The following LRFN2 variants were observed in gnomAD, a reference collection of about 807,000 sequenced individuals.
LRFN2 encodes leucine rich repeat and fibronectin type III domain containing 2, also known as leucine-rich repeat and fibronectin type-III domain-containing protein 2.
Under a neutral mutation model 37.3 loss-of-function variants are expected in LRFN2, and 18 were observed. The ratio of observed to expected loss-of-function variants is 0.48; its 90% CI spans 0.33 to 0.72. The LOEUF is 0.72. Among genes scored for constraint, LRFN2 ranks in the 30% least tolerant of loss-of-function variants. LRFN2 has a pLI of 0.02. For missense variants in LRFN2, 1,006 were observed against 1,060.7 expected, an observed-to-expected ratio of 0.95 and a Z score of 0.72; for synonymous variants, 556 against 466.6, an observed-to-expected ratio of 1.19 and a Z score of -2.47.
chr6:40,448,064 C>G (rs1214098628), intron 1 of LRFN2, among the ~76,000 whole-genome samples: 1 of 152,164 alleles, frequency 6.6e-6, no homozygotes, highest in African/African-American at 2.4e-5. Context: ...CACGAGTGCT[C>G]CTAGTGTTAG....
chr6:40,545,140 T>C (rs2113918617), intron 1 of LRFN2, among the ~76,000 whole-genome samples: 1 of 152,352 alleles, frequency 6.6e-6, no homozygotes, highest in African/African-American at 2.4e-5. Flanking sequence ...TGCAAAGTGC[T>C]CAGCATAAGT....
At chr6:40,415,321 G>A (rs912675917) in intron 2 of LRFN2, among the ~76,000 whole-genome samples, 1 of 152,094 alleles carries the variant, frequency 6.6e-6, no homozygotes, top group East Asian at 1.9e-4. Context: ...CACCTCCTGG[G>A]TTCATGTGAC....
At chr6:40,559,865 C>T (rs550442149) in intron 1 of LRFN2, among the ~76,000 whole-genome samples, 3 of 152,304 alleles carry the variant, frequency 2.0e-5, no homozygotes, top group African/African-American at 7.2e-5. Context: ...GCCGTTCTTC[C>T]AAGTCCCACT....
chr6:40,487,721 A>G (rs1317845755), intron 1 of LRFN2, among the ~76,000 whole-genome samples: 1 of 152,226 alleles, frequency 6.6e-6, no homozygotes, highest in Non-Finnish European at 1.5e-5. Flanking sequence ...GGAAGTGTAA[A>G]AAGATACATG....
intron 1 of LRFN2, among the ~76,000 whole-genome samples, chr6:40,572,355 C>T (rs1172605879): frequency 4.6e-5 from 7 of 152,156 alleles, no homozygotes; most frequent in African/African-American, 1.7e-4. Flanking sequence ...GGGACCCGGG[C>T]CATTATCCAG....
chr6:40,537,116 T>C (rs55739478), intron 1 of LRFN2, among the ~76,000 whole-genome samples: 10,562 of 152,258 alleles, frequency 0.069, 498 homozygotes, highest in Middle Eastern at 0.11. Flanking sequence ...TGGTTATCCA[T>C]TCTCTACGTA....
Position 40,392,996 on chromosome 6 carries a change from A to T in LRFN2, c.1401-84T>A. On this transcript the variant is annotated intron_variant, in intron 2 of 2. Transcript: ENST00000338305. This position sits in a 1 kb window ranked among gnomAD's most constrained non-coding sequence, Gnocchi z 4.7. The stretch of plus-strand genomic sequence containing the variant: ...GGGGAGTGGACAGAGGTAGAAACAG[A>T]GTGACAGAGATGGGGAGGGGGAGGG... 1.6e-5 allele frequency: 13 copies of T among 794,996 alleles called. No individual in the cohort carries two copies. Among genetic ancestry groups the T allele is most frequent in the African/African-American group, 2.1e-5 (1 of 47,172 alleles). The allele number at this position is 794,996 out of a possible 1,614,324, so 49.2% of individuals were successfully genotyped here. A position where few individuals can be genotyped will look rare whatever the true frequency, so the allele number is the denominator to read the frequency against.
intron 1 of LRFN2, among the ~76,000 whole-genome samples, chr6:40,497,162 C>T (rs1484216963): frequency 6.6e-6 from 1 of 152,230 alleles, no homozygotes; most frequent in Non-Finnish European, 1.5e-5. Context: ...CACCTCACTC[C>T]TAAGTCCGTT....
At chr6:40,431,614 G>A (rs1763484413) in intron 2 of LRFN2, 100 bp downstream of exon 2, 36 of 1,037,172 alleles carry the variant, frequency 3.5e-5, no homozygotes, top group Non-Finnish European at 4.8e-5. Context: ...ACACCTTTGG[G>A]GAAGAGGGGT....
intron 1 of LRFN2, among the ~76,000 whole-genome samples, chr6:40,507,753 A>C (rs74340522): frequency 6.6e-6 from 1 of 152,308 alleles, no homozygotes; most frequent in African/African-American, 2.4e-5. Flanking sequence ...TGTTTTGATC[A>C]TGCCTCTTGT....
intron 1 of LRFN2, among the ~76,000 whole-genome samples, chr6:40,526,340 T>C (rs1039642032): frequency 6.6e-5 from 10 of 152,196 alleles, no homozygotes; most frequent in African/African-American, 2.4e-4. Context: ...GTCTCTTCTA[T>C]AGTTTTCCTT....
At chr6:40,577,089 T>TCGTCTC in intron 1 of LRFN2, among the ~76,000 whole-genome samples, 1 of 49,208 alleles carries the variant, frequency 2.0e-5, no homozygotes, top group East Asian at 3.6e-4. Context: ...TTTTCTTTTC[T>TCGTCTC]TTTCTTTTCT....
At chr6:40,556,658 GTCTCTCTCTC>G (rs60167160) in intron 1 of LRFN2, among the ~76,000 whole-genome samples, 138 of 139,438 alleles carry the variant, frequency 9.9e-4, no homozygotes, top group Middle Eastern at 3.7e-3. Flanking sequence ...TTAGAACCAG[GTCTCTCTCTC>G]TCTCTCTCTC....
rs1227757625 is a variant in LRFN2, at chr6:40,428,120, T to C, written c.1400+3594A>G. Among the ~76,000 whole-genome samples, 6 of 152,238 alleles carry C rather than the reference T, an allele frequency of 3.9e-5. No homozygotes were observed. In the South Asian group the frequency reaches 6.2e-4, roughly 16 times the overall value. ...TGAGAACTAAATGAGTTAGTGCACA[T>C]AGGACCCTTAGAATAGTGACCAGCA... On this transcript the variant is annotated intron_variant, in intron 2 of 2. Coordinates refer to ENST00000338305, the MANE Select transcript of LRFN2 (RefSeq NM_020737.3).
rs534573650 is a variant in LRFN2 at position 40,401,943 on chromosome 6, G to A, written c.1401-9031C>T. 2.0e-5 allele frequency among the ~76,000 whole-genome samples: 3 copies of A among 152,184 alleles called. No homozygotes were observed. The South Asian group carries it at 6.2e-4, about 32-fold the overall frequency. On this transcript the variant is annotated intron_variant, in intron 2 of 2. Transcript: ENST00000338305. ...CCCTACCCGACCCCTGGCTCTCTGT[G>A]TCCTCATTACTGGCTCTTCACAGAA...
intron 1 of LRFN2, among the ~76,000 whole-genome samples, chr6:40,446,439 C>G (rs1032122743): frequency 6.6e-6 from 1 of 152,224 alleles, no homozygotes; most frequent in Non-Finnish European, 1.5e-5. Context: ...CTACATTCCT[C>G]GTGTCTGATC....
At chr6:40,554,272 C>G (rs1234134972) in intron 1 of LRFN2, among the ~76,000 whole-genome samples, 2 of 152,226 alleles carry the variant, frequency 1.3e-5, no homozygotes, top group Non-Finnish European at 2.9e-5. Context: ...GAGACCACCT[C>G]AGTTTTGGAG....
In LRFN2 at chr6:40,392,441, G is replaced by A. The variant is rs747676278; in HGVS notation, c.1872C>T (p.Ser624=). ...CAGCCTCCCCACTGCCCAGGGAGCT[G>A]GAGGAAGAGGAGTCACTGGCGCGGG... ...SLARASDSSS[S]SSLGSGEAAG... The change falls in exon 3 of 3, where the codon TCC becomes TCT. Residue 624 remains serine, a synonymous_variant. Transcript: ENST00000338305. This position sits in a 1 kb window ranked among gnomAD's most constrained non-coding sequence, Gnocchi z 4.7. 1 of 1,566,832 alleles carries A rather than the reference G, an allele frequency of 6.4e-7. No homozygotes were observed. Among genetic ancestry groups the A allele is most frequent in the South Asian group, 1.2e-5 (1 of 86,424 alleles).
intron 2 of LRFN2, among the ~76,000 whole-genome samples, chr6:40,415,692 G>A (rs1046306045): frequency 1.3e-5 from 2 of 152,228 alleles, no homozygotes; most frequent in African/African-American, 2.4e-5. Context: ...TTTAACGTTT[G>A]TCTGCCTGGG....
Sources: gnomAD v4.1 joint callset for allele counts (sites outside exome capture counted in the v4.1 genomes callset) on GRCh38, gnomAD v4.1.1 for gene constraint, Gnocchi (gnomAD v3.1) non-coding constraint, MANE v1.5 for transcripts, NCBI Gene and HGNC (gene_info 2026-07-23, HGNC 2026-07-21) for gene names.